The following UBE4B variants were observed in gnomAD, a reference collection of about 807,000 sequenced individuals.
The protein encoded by UBE4B is ubiquitin conjugation factor E4 B.
UBE4B carries 27 observed loss-of-function variants against 148.1 expected under a neutral mutation model. The ratio of observed to expected loss-of-function variants is 0.18; its 90% CI spans 0.13 to 0.25. UBE4B has a LOEUF of 0.25. UBE4B is among the 10% of genes least tolerant of loss of function. UBE4B has a pLI of 1.00. For synonymous variants in UBE4B, 596 were observed against 619.3 expected (o/e 0.96, Z 0.56); for missense variants, 1,170 against 1,662.4 (o/e 0.70, Z 5.15).
At chr1:10,092,148 A>G (rs1194145656) in intron 2 of UBE4B, among the ~76,000 whole-genome samples, 1 of 152,108 alleles carries the variant, frequency 6.6e-6, no homozygotes, top group East Asian at 1.9e-4. Context: ...CCTTGAGCCC[A>G]GAAGGTTGAG....
Position 10,037,007 on chromosome 1 carries a change from G to A in UBE4B, c.24+3313G>A, listed in dbSNP as rs181846193. Among the ~76,000 whole-genome samples the A allele has an allele frequency of 8.5e-4, 130 of 152,144 alleles. 3 individuals carry two copies. In the South Asian group the frequency reaches 9.1e-3, roughly 11 times the overall value. On this transcript the variant is annotated intron_variant, in intron 1 of 27. Coordinates refer to ENST00000343090, the MANE Select transcript of UBE4B (RefSeq NM_001105562.3). ...TGTGCACTTTTTGGTCCCTGTCATAGATCACCTAGAATTCTTGTGCTTTTT... is the reference window on the plus strand; with the variant it reads ...TGTGCACTTTTTGGTCCCTGTCATAAATCACCTAGAATTCTTGTGCTTTTT...
intron 2 of UBE4B, among the ~76,000 whole-genome samples, chr1:10,076,232 C>CTTCT (rs1287258593): frequency 6.7e-6 from 1 of 148,512 alleles, no homozygotes; most frequent in South Asian, 2.1e-4. Context: ...TCAAAAAGTG[C>CTTCT]TTCTTTCTTT....
At chr1:10,048,413 A>G (rs1643959086) in intron 1 of UBE4B, among the ~76,000 whole-genome samples, 1 of 152,164 alleles carries the variant, frequency 6.6e-6, no homozygotes, top group Non-Finnish European at 1.5e-5. Context: ...GGAAGTTGTC[A>G]TTGTATTTAA....
At chr1:10,147,307 A>T (rs548699078) in intron 19 of UBE4B, among the ~76,000 whole-genome samples, 1 of 152,304 alleles carries the variant, frequency 6.6e-6, no homozygotes, top group East Asian at 1.9e-4. Context: ...AGCCTGGCCA[A>T]CATGGCGAAA....
intron 11 of UBE4B, chr1:10,129,047 T>C (rs910285900): frequency 5.1e-6 from 1 of 196,930 alleles, no homozygotes; most frequent in African/African-American, 2.3e-5. Flanking sequence ...TGGAAAGATA[T>C]GAAGTGGAAA....
intron 23 of UBE4B, among the ~76,000 whole-genome samples, chr1:10,163,863 ATTACAGG>A (rs1646206550): frequency 6.6e-6 from 1 of 150,718 alleles, no homozygotes; most frequent in African/African-American, 2.4e-5. Context: ...GCCTGCTGGG[ATTACAGG>A]CGTGCACCAC....
In UBE4B at chr1:10,144,996, C is replaced by A; in HGVS notation, c.2420C>A (p.Thr807Asn). Residue 807 changes from threonine (T) to asparagine (N), a missense_variant, in exon 18 of 28, where the codon ACT becomes AAT. Thr to Asn is a moderately conservative substitution (Grantham distance 65). Around this residue, in one of 6 missense-constraint regions of UBE4B, gnomAD observed 388 missense variants for 536.0 expected, o/e 0.72. Coordinates refer to ENST00000343090, the MANE Select transcript of UBE4B (RefSeq NM_001105562.3). Reference protein sequence around the residue: ...ESQWKDSPLATRHREMLKRCK... With the variant: ...ESQWKDSPLANRHREMLKRCK... ...CAATGGAAAGATTCCCCACTGGCAA[C>A]TAGACACCGCGAAATGCTGAAGCGC... 1 of 1,613,904 alleles carries A rather than the reference C, an allele frequency of 6.2e-7. No homozygotes were observed. The highest frequency in any genetic ancestry group is 8.5e-7 in the Non-Finnish European group (1 of 1,179,900).
chr1:10,069,201 AT>A (rs991966172), intron 1 of UBE4B, among the ~76,000 whole-genome samples: 5 of 152,170 alleles, frequency 3.3e-5, no homozygotes, highest in Non-Finnish European at 7.4e-5. Context: ...GTGACTTCAT[AT>A]TTTTTCCAAC....
chr1:10,108,384 A>C (rs1645157523), intron 7 of UBE4B, among the ~76,000 whole-genome samples: 1 of 152,220 alleles, frequency 6.6e-6, no homozygotes, highest in African/African-American at 2.4e-5. Flanking sequence ...AAATGACCGC[A>C]GAGGCTGAAA....
At chr1:10,054,457 A>G in intron 1 of UBE4B, 1 of 410,282 alleles carries the variant, frequency 2.4e-6, no homozygotes, top group Non-Finnish European at 4.7e-6. Flanking sequence ...ATGAATTCAT[A>G]GGTAATAGGT....
chr1:10,162,925 C>T lies in UBE4B; in HGVS notation c.3198+1639C>T, dbSNP rs117794506. ...CTCTGAGTAAGGTCCTATCCAAATA[C>T]TCCCTCAGGTTTGTCTTCGCCAATC... On this transcript the variant is annotated intron_variant, in intron 23 of 27. Transcript: ENST00000343090. Among the ~76,000 whole-genome samples, 173 of 152,306 alleles carry T rather than the reference C, an allele frequency of 1.1e-3. 1 individual carries two copies. The East Asian group carries it at 0.029, about 26-fold the overall frequency.
rs33997625 is a variant in UBE4B, at chr1:10,102,391, C to CTTTTTTTTTTT, written c.436-530_436-520dup. On this transcript the variant is annotated intron_variant, in intron 4 of 27. Coordinates refer to ENST00000343090, the MANE Select transcript of UBE4B (RefSeq NM_001105562.3). ...GGTGACTTTTGATAATGACTTTGCT[C>CTTTTTTTTTTT]TTTTTTTTTTTTTTTTTTTTTTTTT... Among the ~76,000 whole-genome samples the CTTTTTTTTTTT allele has an allele frequency of 7.6e-4, 39 of 51,566 alleles. 12 individuals carry two copies. The highest frequency in any genetic ancestry group is 1.0e-3 in the Non-Finnish European group (26 of 25,532). 33.8% of individuals were successfully genotyped at this position (51,566 alleles called of 152,430 possible).
At chr1:10,072,520 T>C in intron 2 of UBE4B, 1 of 714,014 alleles carries the variant, frequency 1.4e-6, no homozygotes, top group East Asian at 2.7e-5. Context: ...TTTATGAATT[T>C]GGTTGATGGT....
intron 1 of UBE4B, among the ~76,000 whole-genome samples, chr1:10,040,861 C>A (rs919560184): frequency 2.0e-5 from 3 of 152,126 alleles, no homozygotes; most frequent in Non-Finnish European, 4.4e-5. Context: ...CTTAGGTGAT[C>A]TGCCTGCCTC....
chr1:10,062,844 G>A (rs940104688), intron 1 of UBE4B, among the ~76,000 whole-genome samples: 5 of 149,758 alleles, frequency 3.3e-5, no homozygotes, highest in Admixed American at 6.7e-5. Context: ...TAATCCCAGC[G>A]ACTCGGGAGG....
At chr1:10,162,722 G>A (rs1646185313) in intron 23 of UBE4B, among the ~76,000 whole-genome samples, 1 of 151,298 alleles carries the variant, frequency 6.6e-6, no homozygotes. Flanking sequence ...TTATGATTCA[G>A]CCTGTCACCC....
chr1:10,048,967 C>G (rs1643971963), intron 1 of UBE4B, among the ~76,000 whole-genome samples: 1 of 152,214 alleles, frequency 6.6e-6, no homozygotes, highest in South Asian at 2.1e-4. Context: ...CTGTTTCTCT[C>G]TCTTTCCCCA....
intron 21 of UBE4B, among the ~76,000 whole-genome samples, chr1:10,155,795 G>A (rs922809513): frequency 6.6e-6 from 1 of 152,350 alleles, no homozygotes; most frequent in African/African-American, 2.4e-5. Flanking sequence ...GTCCGAGACA[G>A]GTGAATCACT....
intron 2 of UBE4B, among the ~76,000 whole-genome samples, chr1:10,084,527 C>G (rs531968127): frequency 6.6e-6 from 1 of 152,054 alleles, no homozygotes; most frequent in African/African-American, 2.4e-5. Context: ...GTCTGGTCTT[C>G]CAAACTAGAT....
Sources: gnomAD v4.1 joint callset for allele counts (sites outside exome capture counted in the v4.1 genomes callset) on GRCh38, gnomAD v4.1.1 for gene constraint, gnomAD v4.1.1 regional missense constraint, MANE v1.5 for transcripts, NCBI Gene and HGNC (gene_info 2026-07-23, HGNC 2026-07-21) for gene names.